The following BBS9 variants were observed in gnomAD, a reference collection of about 807,000 sequenced individuals.
The protein encoded by BBS9 is Bardet-Biedl syndrome 9.
A neutral mutation model predicts 117.7 loss-of-function variants in BBS9; 89 were observed. That is an observed-to-expected ratio of 0.76 (90% CI 0.64 to 0.90). The LOEUF is 0.90. Ranked by LOEUF, BBS9 falls within the 40% of genes least tolerant of loss-of-function variation. BBS9 has a pLI of 0.00. For synonymous variants in BBS9, 379 were observed against 370.9 expected, an observed-to-expected ratio of 1.02 and a Z score of -0.25; for missense variants, 982 against 1,042.2, an observed-to-expected ratio of 0.94 and a Z score of 0.80.
At chr7:33,511,356 G>A (rs1321221331) in intron 20 of BBS9, among the ~76,000 whole-genome samples, 1 of 152,130 alleles carries the variant, frequency 6.6e-6, no homozygotes, top group Non-Finnish European at 1.5e-5. Flanking sequence ...TCAGATGTCT[G>A]TTCTAATATT....
intron 21 of BBS9, among the ~76,000 whole-genome samples, chr7:33,543,686 A>G (rs932668210): frequency 6.6e-6 from 1 of 152,082 alleles, no homozygotes; most frequent in African/African-American, 2.4e-5. Flanking sequence ...CTAGGTGAAG[A>G]TCTTTTTGCG....
At chr7:33,578,710 C>T (rs2598395) in intron 21 of BBS9, among the ~76,000 whole-genome samples, 53,942 of 151,994 alleles carry the variant, frequency 0.35, 13,844 homozygotes, top group African/African-American at 0.72. Context: ...TATGCTTTTA[C>T]GTTGCATTGC....
intron 19 of BBS9, among the ~76,000 whole-genome samples, chr7:33,478,982 T>C (rs1842168686): frequency 6.6e-6 from 1 of 152,124 alleles, no homozygotes; most frequent in East Asian, 1.9e-4. Context: ...TACTGATAGC[T>C]GTCATTCCTG....
intron 20 of BBS9, among the ~76,000 whole-genome samples, chr7:33,508,602 T>A (rs1846468572): frequency 6.6e-6 from 1 of 152,222 alleles, no homozygotes; most frequent in East Asian, 1.9e-4. Context: ...TCTTCCCTTT[T>A]TATACACGTG....
intron 19 of BBS9, among the ~76,000 whole-genome samples, chr7:33,482,248 G>A (rs1165768185): frequency 1.3e-5 from 2 of 152,196 alleles, no homozygotes; most frequent in Non-Finnish European, 2.9e-5. Context: ...GTTATGTTCA[G>A]GTGCTCACTG....
At chr7:33,154,562 T>C (rs1793827434) in intron 3 of BBS9, among the ~76,000 whole-genome samples, 1 of 152,128 alleles carries the variant, frequency 6.6e-6, no homozygotes, top group African/African-American at 2.4e-5. Flanking sequence ...GCCTCCCAGA[T>C]TCAAGCAATT....
chr7:33,625,764 G>A (rs34330508), intron 21 of BBS9, among the ~76,000 whole-genome samples: 45,714 of 151,994 alleles, frequency 0.3, 8,052 homozygotes, highest in African/African-American at 0.47. Context: ...ATAAAGATAC[G>A]GTCATAAGAT....
At chr7:33,339,093 G>C (rs1815984768) in intron 10 of BBS9, among the ~76,000 whole-genome samples, 1 of 152,196 alleles carries the variant, frequency 6.6e-6, no homozygotes, top group African/African-American at 2.4e-5. Flanking sequence ...AAATAAGATA[G>C]AGGTTTCTTT....
chr7:33,234,369 T>G (rs1326706160), intron 5 of BBS9, among the ~76,000 whole-genome samples: 1 of 152,038 alleles, frequency 6.6e-6, no homozygotes, highest in Admixed American at 6.6e-5. Flanking sequence ...ATTGTATATT[T>G]TTAAGGTTTA....
chr7:33,155,328 A>G (rs1793942314), intron 3 of BBS9, among the ~76,000 whole-genome samples: 1 of 152,202 alleles, frequency 6.6e-6, no homozygotes, highest in African/African-American at 2.4e-5. Context: ...GAAAGCCAGG[A>G]CTAGAACTTG....
At chr7:33,208,767 C>T (rs1399864633) in intron 5 of BBS9, among the ~76,000 whole-genome samples, 2 of 151,004 alleles carry the variant, frequency 1.3e-5, no homozygotes, top group African/African-American at 4.9e-5. Context: ...AAGTGGGTGA[C>T]CACTATTATT....
intron 21 of BBS9, among the ~76,000 whole-genome samples, chr7:33,571,302 A>G (rs968835919): frequency 6.6e-6 from 1 of 152,108 alleles, no homozygotes; most frequent in African/African-American, 2.4e-5. Flanking sequence ...TAATTTAGGT[A>G]TGTGTTTTAC....
chr7:33,518,629 C>A (rs76507121), intron 20 of BBS9, among the ~76,000 whole-genome samples: 3,031 of 152,140 alleles, frequency 0.02, 42 homozygotes, highest in Middle Eastern at 0.048. Context: ...AAGAAAAAAA[C>A]CCCCCATAGT....
intron 21 of BBS9, among the ~76,000 whole-genome samples, chr7:33,564,686 A>T (rs1856590668): frequency 6.6e-6 from 1 of 152,180 alleles, no homozygotes; most frequent in South Asian, 2.1e-4. Flanking sequence ...GCCCTGATCC[A>T]TTTCTTCTGG....
At chr7:33,469,366 T>C (rs1432303566) in intron 19 of BBS9, among the ~76,000 whole-genome samples, 1 of 152,190 alleles carries the variant, frequency 6.6e-6, no homozygotes, top group East Asian at 1.9e-4. Flanking sequence ...GATATCTCTA[T>C]ATTTGGACAA....
intron 21 of BBS9, among the ~76,000 whole-genome samples, chr7:33,583,272 G>T (rs567996749): frequency 6.6e-6 from 1 of 151,914 alleles, no homozygotes; most frequent in African/African-American, 2.4e-5. Flanking sequence ...TGGTGTTTTG[G>T]TTGATATTGT....
Position 33,337,903 on chromosome 7 carries a change from C to T in BBS9, c.1198+1281C>T, listed in dbSNP as rs568993963. ...TTTCAAATTTTGTCCTGAGATTTTG[C>T]CCTTTCCATAGTAATGTTCCAATAA... On this transcript the variant is annotated intron_variant, in intron 10 of 22. Transcript: ENST00000242067. Among the ~76,000 whole-genome samples the T allele has an allele frequency of 2.0e-5, 3 of 151,882 alleles. No individual in the cohort carries two copies. In the South Asian group the frequency reaches 6.3e-4, roughly 32 times the overall value.
At chr7:33,267,874 C>T (rs1220649408) in intron 7 of BBS9, among the ~76,000 whole-genome samples, 1 of 152,062 alleles carries the variant, frequency 6.6e-6, no homozygotes, top group African/African-American at 2.4e-5. Context: ...GAATTCCTTT[C>T]ACATTTCTTT....
rs141624148 is a variant in BBS9 at position 33,410,439 on chromosome 7, C to A, written c.2115+22295C>A. On this transcript the variant is annotated intron_variant, in intron 19 of 22. Transcript: ENST00000242067. ...TCTTAGTTTCATCTTGGTCAGTCAC[C>A]TCTCCCATTTCTCCCAGGTAGTCAG... is the stretch of plus-strand genomic sequence containing the variant. Among the ~76,000 whole-genome samples the A allele has an allele frequency of 1.1e-4, 16 of 152,180 alleles. No individual in the cohort carries two copies. In the East Asian group the frequency reaches 3.1e-3, roughly 29 times the overall value.
Sources: gnomAD v4.1 joint callset for allele counts (sites outside exome capture counted in the v4.1 genomes callset) on GRCh38, gnomAD v4.1.1 for gene constraint, MANE v1.5 for transcripts, NCBI Gene and HGNC (gene_info 2026-07-23, HGNC 2026-07-21) for gene names.